The following PPOX variants were observed in gnomAD, a reference collection of about 807,000 sequenced individuals.
The protein encoded by PPOX is protoporphyrinogen oxidase.
PPOX carries 23 observed loss-of-function variants against 54.1 expected under a neutral mutation model. The ratio of observed to expected loss-of-function variants is 0.43; its 90% CI spans 0.31 to 0.60. The LOEUF (loss-of-function observed/expected upper bound fraction) is 0.60. Ranked by LOEUF, PPOX falls within the 20% of genes least tolerant of loss-of-function variation. The probability of loss-of-function intolerance (pLI) is 0.13; values close to 1 mark genes in which losing one functional copy is unlikely to be tolerated. For missense variants in PPOX, 512 were observed against 601.1 expected, an observed-to-expected ratio of 0.85 and a Z score of 1.55; for synonymous variants, 224 against 236.1, an observed-to-expected ratio of 0.95 and a Z score of 0.47.
At chr1:161,168,916 G>A (rs954380918) in intron 6 of PPOX, 77 bp from the exon 7 acceptor site, 21 of 1,552,890 alleles carry the variant, frequency 1.4e-5, no homozygotes, top group Admixed American at 3.4e-5. Flanking sequence ...CACCCGCCTC[G>A]GCCTCCTAAA....
At position 161,171,028 on chromosome 1, in the gene PPOX, T is replaced by C. The variant is rs752418780; in HGVS notation, c.1292-6T>C. The C allele has an allele frequency of 6.2e-7, 1 of 1,614,188 alleles. No homozygotes were observed. The highest frequency in any genetic ancestry group is 1.1e-5 in the South Asian group (1 of 91,082). ...CTAAAACATTCCTTTCATCCTTTCC[T>C]TCCAGAGTCAGCTAGGCAATTCCTG... On this transcript the variant is annotated splice_region_variant and splice_polypyrimidine_tract_variant and intron_variant, in intron 12 of 12. Transcript: ENST00000367999.
chr1:161,175,435 C>G (rs1364771481), downstream of PPOX, among the ~76,000 whole-genome samples: 1 of 152,090 alleles, frequency 6.6e-6, no homozygotes, highest in African/African-American at 2.4e-5. Flanking sequence ...CTAGCCTTCT[C>G]TTCTTATTTT....
chr1:161,166,513 A>G lies in PPOX; in HGVS notation c.-168A>G. On this transcript the variant is annotated 5_prime_UTR_variant, in exon 1 of 13. Transcript: ENST00000367999. ...TGGCCTACAGAGGTGTGGCAAGCAGAGCACCTCAGAACTCAGGCGTACTGC... is the reference window on the plus strand; with the variant it reads ...TGGCCTACAGAGGTGTGGCAAGCAGGGCACCTCAGAACTCAGGCGTACTGC... 7.5e-7 allele frequency: 1 copy of G among 1,333,456 alleles called. No individual in the cohort carries two copies. Among genetic ancestry groups the G allele is most frequent in the Non-Finnish European group, 9.7e-7 (1 of 1,035,072 alleles). 82.6% of individuals were successfully genotyped at this position (1,333,456 alleles called of 1,614,324 possible).
At chr1:161,168,329 A>G (rs1659853054) in intron 5 of PPOX, 103 bp from the exon 6 acceptor site, 2 of 1,587,560 alleles carry the variant, frequency 1.3e-6, no homozygotes, top group African/African-American at 1.3e-5. Flanking sequence ...AATGTCCCCC[A>G]ACCCAAACCC....
Position 161,171,091 on chromosome 1 carries a change from C to T in PPOX, c.1349C>T (p.Ser450Phe). The T allele has an allele frequency of 1.9e-6, 3 of 1,614,112 alleles. No homozygotes were observed. The highest frequency in any genetic ancestry group is 1.7e-6 in the Non-Finnish European group (2 of 1,180,042). The change falls in exon 13 of 13, where the codon TCC (serine) becomes TTC (phenylalanine). Residue 450 changes from serine to phenylalanine, a missense_variant. Physicochemically the swap from Ser to Phe is radical, Grantham distance 155. Coordinates refer to ENST00000367999, the MANE Select transcript of PPOX (RefSeq NM_001122764.3). ...HRLPLTLAGA[S>F]YEGVAVNDCI... is the part of the protein sequence containing the mutation. ...TTGCCCCTGACTCTGGCTGGAGCCTCCTATGAGGGAGTTGCTGTTAATGAC... is the reference window on the plus strand; with the variant it reads ...TTGCCCCTGACTCTGGCTGGAGCCTTCTATGAGGGAGTTGCTGTTAATGAC...
chr1:161,172,175 A>G (rs1661686809), downstream of PPOX: 1 of 1,612,486 alleles, frequency 6.2e-7, no homozygotes, highest in Non-Finnish European at 8.5e-7. Flanking sequence ...CTAGGGGTAC[A>G]GAACCCTGAG....
downstream of PPOX, chr1:161,172,510 G>A (rs1327445252): frequency 8.2e-6 from 5 of 609,454 alleles, no homozygotes; most frequent in East Asian, 2.9e-5. Context: ...AAAGCTGGAT[G>A]TATCCAAATC....
In PPOX at chr1:161,170,684, T is replaced by C; in HGVS notation, c.1163T>C (p.Leu388Pro). 1.2e-6 allele frequency: 2 copies of C among 1,614,166 alleles called. No individual in the cohort carries two copies. Among genetic ancestry groups the C allele is most frequent in the East Asian group, 2.2e-5 (1 of 44,872 alleles). Residue 388 changes from leucine (L) to proline (P), a missense_variant, in exon 11 of 13, where the codon CTG becomes CCG. Leu to Pro is a moderately conservative substitution (Grantham distance 98). Coordinates refer to ENST00000367999, the MANE Select transcript of PPOX (RefSeq NM_001122764.3). ...EASGCVLSQE[L>P]FQQRAQEAAA... is the part of the protein sequence containing the mutation. ...AGTGGCTGTGTCTTATCTCAGGAGCTGTTTCAACAGCGGGCCCAGGAAGCA... is the reference window on the plus strand; with the variant it reads ...AGTGGCTGTGTCTTATCTCAGGAGCCGTTTCAACAGCGGGCCCAGGAAGCA...
upstream of PPOX, chr1:161,166,246 G>C (rs552848881): frequency 4.2e-6 from 4 of 962,036 alleles, no homozygotes; most frequent in African/African-American, 1.8e-5. Flanking sequence ...GGGCAGTGAC[G>C]GGTACGGCCG....
At chr1:161,166,038 C>G (rs547327371), upstream of PPOX, 6 of 960,494 alleles carry the variant, frequency 6.2e-6, no homozygotes, top group Non-Finnish European at 7.4e-6. Flanking sequence ...CCCGTAGGCC[C>G]GGTCTGTTGC....
downstream of PPOX, chr1:161,175,097 C>T: frequency 6.2e-7 from 1 of 1,614,002 alleles, no homozygotes; most frequent in Non-Finnish European, 8.5e-7. Context: ...CGATGAGGCA[C>T]AATGATGGCT....
In PPOX at chr1:161,166,532, G is replaced by A. The variant is rs186428034; in HGVS notation, c.-149G>A. 6 of 1,365,142 alleles carry A rather than the reference G, an allele frequency of 4.4e-6. No individual in the cohort carries two copies. Among genetic ancestry groups the A allele is most frequent in the Non-Finnish European group, 4.7e-6 (5 of 1,055,288 alleles). The allele number at this position is 1,365,142 out of a possible 1,614,324, so 84.6% of individuals were successfully genotyped here. A position where few individuals can be genotyped will look rare whatever the true frequency, so the allele number is the denominator to read the frequency against. Reference sequence around the variant, plus strand: ...AAGCAGAGCACCTCAGAACTCAGGCGTACTGCCCGCCGCCCGAGCCCTGCG... The same window carrying A: ...AAGCAGAGCACCTCAGAACTCAGGCATACTGCCCGCCGCCCGAGCCCTGCG... On this transcript the variant is annotated 5_prime_UTR_variant, in exon 1 of 13. Transcript: ENST00000367999.
chr1:161,168,717 G>T, intron 6 of PPOX, 141 bp downstream of exon 6: 1 of 1,205,472 alleles, frequency 8.3e-7, no homozygotes, highest in South Asian at 1.4e-5. Flanking sequence ...GAGTGCAGTG[G>T]TGCAATCTCA....
chr1:161,171,178 C>G lies in PPOX; in HGVS notation c.*2C>G, dbSNP rs1482738685. The G allele has an allele frequency of 8.1e-6, 13 of 1,613,066 alleles. No homozygotes were observed. Among genetic ancestry groups the G allele is most frequent in the Non-Finnish European group, 1.1e-5 (13 of 1,180,038 alleles). ...CTGGGCACAGAACCTAACAGCTGAT[C>G]CCCAACTCTCATTCATGAAAATAAA... On this transcript the variant is annotated 3_prime_UTR_variant, in exon 13 of 13. Transcript: ENST00000367999.
At chr1:161,175,814 G>A (rs769692096), downstream of PPOX, 7 of 1,613,944 alleles carry the variant, frequency 4.3e-6, no homozygotes, top group African/African-American at 5.3e-5. Flanking sequence ...TTACCTAAGA[G>A]AGGAGATCGT....
downstream of PPOX, chr1:161,175,725 C>T: frequency 6.4e-7 from 1 of 1,555,906 alleles, no homozygotes; most frequent in Non-Finnish European, 8.7e-7. Flanking sequence ...TCCACTTCTG[C>T]CACTCCATGC....
At chr1:161,170,080 A>G in intron 9 of PPOX, 56 bp downstream of exon 9, 1 of 1,566,680 alleles carries the variant, frequency 6.4e-7, no homozygotes, top group Non-Finnish European at 8.6e-7. Flanking sequence ...TAATCCCAGC[A>G]TTTTGGGAGG....
chr1:161,177,197 G>A, downstream of PPOX: 1 of 932,668 alleles, frequency 1.1e-6, no homozygotes, highest in Non-Finnish European at 1.6e-6. Context: ...GCGCTGTGGA[G>A]GGGGTTAAAA....
At chr1:161,176,989 C>T (rs1248482005) in exon 5 of PPOX, 1 of 1,536,098 alleles carries the variant, frequency 6.5e-7, no homozygotes, top group Admixed American at 2.0e-5. Flanking sequence ...GGGACCGTGA[C>T]CACCTGGGGG....
Sources: gnomAD v4.1 joint callset for allele counts (sites outside exome capture counted in the v4.1 genomes callset) on GRCh38, gnomAD v4.1.1 for gene constraint, MANE v1.5 for transcripts, NCBI Gene and HGNC (gene_info 2026-07-23, HGNC 2026-07-21) for gene names.